The following KCND2 variants were observed in gnomAD, a reference collection of about 807,000 sequenced individuals.
KCND2 encodes the protein potassium voltage-gated channel subfamily D member 2.
KCND2 carries 16 observed loss-of-function variants against 54.4 expected under a neutral mutation model. That is an observed-to-expected ratio of 0.29 (90% CI 0.20 to 0.45). The LOEUF is 0.45. Ranked by LOEUF, KCND2 falls within the 20% of genes least tolerant of loss-of-function variation. The pLI is 1.00. For missense variants in KCND2, 486 were observed against 824.2 expected, an observed-to-expected ratio of 0.59 and a Z score of 5.02; for synonymous variants, 317 against 310.7, an observed-to-expected ratio of 1.02 and a Z score of -0.21.
At chr7:120,315,875 C>T (rs998948024) in intron 1 of KCND2, among the ~76,000 whole-genome samples, 2 of 150,732 alleles carry the variant, frequency 1.3e-5, no homozygotes, top group Non-Finnish European at 2.9e-5. Context: ...CCATTGAAAA[C>T]TGATGAAAAT....
intron 1 of KCND2, among the ~76,000 whole-genome samples, chr7:120,530,475 T>C (rs1791830238): frequency 6.6e-6 from 1 of 152,156 alleles, no homozygotes; most frequent in African/African-American, 2.4e-5. Context: ...GAAGTATATA[T>C]CTAACATTGT....
intron 1 of KCND2, among the ~76,000 whole-genome samples, chr7:120,450,333 C>T (rs1367460502): frequency 6.6e-6 from 1 of 152,102 alleles, no homozygotes; most frequent in Non-Finnish European, 1.5e-5. Context: ...TCGATTTAAC[C>T]TGGGAGGTGA....
intron 1 of KCND2, among the ~76,000 whole-genome samples, chr7:120,475,074 C>G (rs548005769): frequency 2.0e-5 from 3 of 152,106 alleles, no homozygotes; most frequent in Non-Finnish European, 4.4e-5. Context: ...ATATTTCACT[C>G]TATGTGAAAT....
At chr7:120,499,239 C>A (rs1317754428) in intron 1 of KCND2, among the ~76,000 whole-genome samples, 1 of 152,074 alleles carries the variant, frequency 6.6e-6, no homozygotes, top group Admixed American at 6.5e-5. Context: ...ACAAAGCCAG[C>A]TTCTATGAAC....
Position 120,722,851 on chromosome 7 carries a change from C to T in KCND2, c.1116-10052C>T, listed in dbSNP as rs778115995. On this transcript the variant is annotated intron_variant, in intron 1 of 5. Coordinates refer to ENST00000331113, the MANE Select transcript of KCND2 (RefSeq NM_012281.3). Reference sequence around the variant, plus strand: ...CCTGGGGACCAGCTTCTCTGTCTTCCCCTGGCAAAGGCACTTGGGAGTCTT... The same window carrying T: ...CCTGGGGACCAGCTTCTCTGTCTTCTCCTGGCAAAGGCACTTGGGAGTCTT... Among the ~76,000 whole-genome samples the T allele has an allele frequency of 3.4e-4, 52 of 152,128 alleles. 1 individual carries two copies. Among genetic ancestry groups the T allele is most frequent in the Non-Finnish European group, 1.0e-4 (7 of 68,042 alleles).
Position 120,309,460 on chromosome 7 carries a change from TATATATATATATATACAC to T in KCND2, c.1115+33715_1115+33732del, listed in dbSNP as rs1384747143. Among the ~76,000 whole-genome samples the T allele has an allele frequency of 1.7e-5, 2 of 115,362 alleles. 1 individual carries two copies. The highest frequency in any genetic ancestry group is 3.6e-5 in the Non-Finnish European group (2 of 54,906). The allele number at this position is 115,362 out of a possible 152,430, so 75.7% of individuals were successfully genotyped here. A position where few individuals can be genotyped will look rare whatever the true frequency, so the allele number is the denominator to read the frequency against. On this transcript the variant is annotated intron_variant, in intron 1 of 5. Coordinates refer to ENST00000331113, the MANE Select transcript of KCND2 (RefSeq NM_012281.3). ...TTAAATATAATAGAAAACATATATATATATATATATATATACACACACACACACACACACACACACACA... is the reference window on the plus strand; with the variant it reads ...TTAAATATAATAGAAAACATATATATACACACACACACACACACACACACA...
chr7:120,331,261 T>G (rs1366801027), intron 1 of KCND2, among the ~76,000 whole-genome samples: 1 of 152,094 alleles, frequency 6.6e-6, no homozygotes, highest in Non-Finnish European at 1.5e-5. Context: ...AAGAAAATCA[T>G]TTTGAAGCAA....
intron 1 of KCND2, among the ~76,000 whole-genome samples, chr7:120,699,959 G>T (rs1792379794): frequency 6.6e-6 from 1 of 152,046 alleles, no homozygotes; most frequent in Admixed American, 6.6e-5. Context: ...CAATATTTCG[G>T]GCATGGAGGA....
chr7:120,714,205 T>C (rs1194727382), intron 1 of KCND2, among the ~76,000 whole-genome samples: 1 of 152,142 alleles, frequency 6.6e-6, no homozygotes, highest in Non-Finnish European at 1.5e-5. Context: ...AAACATCTTT[T>C]TATGTGCTTC....
At chr7:120,625,024 C>G (rs1175186667) in intron 1 of KCND2, among the ~76,000 whole-genome samples, 2 of 152,128 alleles carry the variant, frequency 1.3e-5, no homozygotes, top group African/African-American at 4.8e-5. Context: ...CTCAAAGTAT[C>G]TAATTGCAAT....
At chr7:120,520,637 G>A (rs963375316) in intron 1 of KCND2, among the ~76,000 whole-genome samples, 1 of 152,134 alleles carries the variant, frequency 6.6e-6, no homozygotes, top group Non-Finnish European at 1.5e-5. Context: ...ATACACCTGA[G>A]TGAAGAAGTG....
chr7:120,646,669 T>G (rs1404716621), intron 1 of KCND2, among the ~76,000 whole-genome samples: 2 of 152,234 alleles, frequency 1.3e-5, no homozygotes, highest in Non-Finnish European at 2.9e-5. Context: ...AAGATTAGTT[T>G]CTAAATAAAT....
At chr7:120,517,590 A>G (rs1803215002) in intron 1 of KCND2, among the ~76,000 whole-genome samples, 1 of 152,138 alleles carries the variant, frequency 6.6e-6, no homozygotes. Flanking sequence ...TGTACAAAGT[A>G]AGGAAACTAA....
chr7:120,605,908 T>C (rs1445648899), intron 1 of KCND2, among the ~76,000 whole-genome samples: 1 of 152,178 alleles, frequency 6.6e-6, no homozygotes, highest in Non-Finnish European at 1.5e-5. Flanking sequence ...TAATTGTAGC[T>C]CCCATAACGT....
At chr7:120,410,227 A>G (rs1257008824) in intron 1 of KCND2, among the ~76,000 whole-genome samples, 2 of 151,942 alleles carry the variant, frequency 1.3e-5, no homozygotes, top group Non-Finnish European at 2.9e-5. Context: ...CAAACTCTGT[A>G]TTGTTTTCCA....
intron 1 of KCND2, among the ~76,000 whole-genome samples, chr7:120,640,483 A>G (rs910505715): frequency 2.0e-5 from 3 of 152,194 alleles, no homozygotes; most frequent in African/African-American, 7.2e-5. Flanking sequence ...TTATATTTGC[A>G]TCAACGTGCA....
chr7:120,446,956 G>C (rs1411904358), intron 1 of KCND2, among the ~76,000 whole-genome samples: 1 of 152,134 alleles, frequency 6.6e-6, no homozygotes, highest in Non-Finnish European at 1.5e-5. Flanking sequence ...CTTTCATTCA[G>C]TTATGAAACA....
At chr7:120,718,135 T>G (rs1792625695) in intron 1 of KCND2, among the ~76,000 whole-genome samples, 1 of 152,138 alleles carries the variant, frequency 6.6e-6, no homozygotes, top group South Asian at 2.1e-4. Context: ...CAGAGATGCC[T>G]CTTTTCACTT....
intron 1 of KCND2, among the ~76,000 whole-genome samples, chr7:120,429,540 G>A (rs943872680): frequency 6.6e-6 from 1 of 151,806 alleles, no homozygotes; most frequent in Non-Finnish European, 1.5e-5. Flanking sequence ...AGGGGGGAAG[G>A]GGAAGAGGAA....
Sources: gnomAD v4.1 joint callset for allele counts (sites outside exome capture counted in the v4.1 genomes callset) on GRCh38, gnomAD v4.1.1 for gene constraint, MANE v1.5 for transcripts, NCBI Gene and HGNC (gene_info 2026-07-23, HGNC 2026-07-21) for gene names.